RWDD3: variants seen among roughly 807,000 people sequenced by gnomAD.
The protein encoded by RWDD3 is RWD domain-containing protein 3.
Under a neutral mutation model 26.5 loss-of-function variants are expected in RWDD3, and 30 were observed. The observed-to-expected ratio is 1.13, with a 90% CI of 0.85 to 1.54. The LOEUF (loss-of-function observed/expected upper bound fraction) is 1.54. RWDD3 is among the 40% of genes most tolerant of loss of function. The pLI is 0.00. For missense variants in RWDD3, 296 were observed against 309.1 expected (o/e 0.96, Z 0.32); for synonymous variants, 113 against 114.5 (o/e 0.99, Z 0.09).
At chr1:95,246,151 A>G (rs1481580560) in intron 2 of RWDD3, 1 of 156,606 alleles carries the variant, frequency 6.4e-6, no homozygotes, top group Non-Finnish European at 1.4e-5. Flanking sequence ...CCATGGCGCT[A>G]TATCTAGATA....
chr1:95,236,699 A>C (rs1017554769), intron 1 of RWDD3, among the ~76,000 whole-genome samples: 1 of 152,064 alleles, frequency 6.6e-6, no homozygotes, highest in African/African-American at 2.4e-5. Flanking sequence ...TGTTCTCTTT[A>C]TTGATAATTA....
chr1:95,242,744 C>T (rs1038014032), intron 1 of RWDD3, among the ~76,000 whole-genome samples: 1 of 151,994 alleles, frequency 6.6e-6, no homozygotes, highest in Non-Finnish European at 1.5e-5. Flanking sequence ...CATGGAGAAA[C>T]CCTGTCTCTA....
chr1:95,240,648 G>A (rs1680576373), intron 1 of RWDD3, among the ~76,000 whole-genome samples: 1 of 152,104 alleles, frequency 6.6e-6, no homozygotes, highest in Admixed American at 6.5e-5. Context: ...GCTGGCCCTA[G>A]GCGTTGCATG....
chr1:95,237,054 G>C lies in RWDD3; in HGVS notation c.85+2739G>C, dbSNP rs1680391125. ...AGTAATTGAATTATAAAAGAATTCAGTGTAACAACTTAGGACATTTTGTTG... is the reference window on the plus strand; with the variant it reads ...AGTAATTGAATTATAAAAGAATTCACTGTAACAACTTAGGACATTTTGTTG... On this transcript the variant is annotated intron_variant, in intron 1 of 3. Coordinates refer to ENST00000370202, the MANE Select transcript of RWDD3 (RefSeq NM_015485.5). Among the ~76,000 whole-genome samples, 2 of 152,158 alleles carry C rather than the reference G, an allele frequency of 1.3e-5. 1 individual carries two copies. The highest frequency in any genetic ancestry group is 2.9e-5 in the Non-Finnish European group (2 of 68,038).
chr1:95,239,376 T>C (rs1300635991), intron 1 of RWDD3, among the ~76,000 whole-genome samples: 1 of 152,212 alleles, frequency 6.6e-6, no homozygotes, highest in African/African-American at 2.4e-5. Context: ...TGAAAAATTC[T>C]GAGGCAGAAA....
At chr1:95,242,194 T>C (rs1680661140) in intron 1 of RWDD3, among the ~76,000 whole-genome samples, 1 of 152,248 alleles carries the variant, frequency 6.6e-6, no homozygotes, top group African/African-American at 2.4e-5. Context: ...GACATTTATG[T>C]TTATATAAAT....
intron 1 of RWDD3, among the ~76,000 whole-genome samples, chr1:95,237,862 T>G (rs1286817670): frequency 1.3e-5 from 2 of 152,216 alleles, no homozygotes; most frequent in Non-Finnish European, 2.9e-5. Context: ...GCCTTTGCAC[T>G]GCATCATGCT....
chr1:95,237,589 T>C (rs1194868803), intron 1 of RWDD3: 1 of 151,844 alleles, frequency 6.6e-6, no homozygotes, highest in Non-Finnish European at 1.5e-5. Context: ...GTAAGAGGCA[T>C]AACCATCTCT....
chr1:95,240,252 G>C (rs1378836116), intron 1 of RWDD3, among the ~76,000 whole-genome samples: 3 of 152,160 alleles, frequency 2.0e-5, no homozygotes, highest in African/African-American at 7.2e-5. Flanking sequence ...TTCTGCACCT[G>C]TGAGATCCGT....
At chr1:95,234,711 C>G (rs12034397) in intron 1 of RWDD3, among the ~76,000 whole-genome samples, 7,422 of 151,928 alleles carry the variant, frequency 0.049, 320 homozygotes, top group East Asian at 0.22. Flanking sequence ...CCCGAGAGCA[C>G]TCCCCGGTTC....
intron 1 of RWDD3, among the ~76,000 whole-genome samples, chr1:95,243,851 A>G (rs1321420941): frequency 2.0e-5 from 3 of 152,220 alleles, no homozygotes; most frequent in Non-Finnish European, 4.4e-5. Flanking sequence ...GTGGTATTGT[A>G]TCTTTGAAAG....
chr1:95,234,279 T>A lies in RWDD3; in HGVS notation c.49T>A (p.Cys17Ser). 1.3e-6 allele frequency: 2 copies of A among 1,599,702 alleles called. No individual in the cohort carries two copies. The highest frequency in any genetic ancestry group is 1.7e-6 in the Non-Finnish European group (2 of 1,173,608). The change falls in exon 1 of 4, where the codon TGC becomes AGC. Residue 17 changes from cysteine to serine, a missense_variant. Coordinates refer to ENST00000370202, the MANE Select transcript of RWDD3 (RefSeq NM_015485.5). Reference sequence around the variant, plus strand: ...GCTCTCGGTCCTGGCCGCGATTTTCTGCAGGCCCCACGAGTGGGAGGTGCT... The same window carrying A: ...GCTCTCGGTCCTGGCCGCGATTTTCAGCAGGCCCCACGAGTGGGAGGTGCT... The part of the protein sequence containing the change: ...EELSVLAAIF[C>S]RPHEWEVLSR...
chr1:95,242,991 T>C (rs1292984673), intron 1 of RWDD3, among the ~76,000 whole-genome samples: 1 of 152,190 alleles, frequency 6.6e-6, no homozygotes, highest in Non-Finnish European at 1.5e-5. Flanking sequence ...TGGAGGAATG[T>C]ACAAAGTTAG....
chr1:95,244,721 G>A (rs764886565), intron 2 of RWDD3, 23 bp downstream of exon 2: 2 of 1,601,420 alleles, frequency 1.2e-6, no homozygotes, highest in African/African-American at 1.3e-5. Flanking sequence ...TAAATGTTGA[G>A]TATGAATCTG....
chr1:95,239,338 A>T (rs939969851), intron 1 of RWDD3, among the ~76,000 whole-genome samples: 1 of 152,236 alleles, frequency 6.6e-6, no homozygotes, highest in Non-Finnish European at 1.5e-5. Context: ...AGAAAACAAA[A>T]AATCAGACTT....
In RWDD3 at chr1:95,244,683, CAG is replaced by C; in HGVS notation, c.560_561del (p.Arg187LysfsTer30). ...TAATACTGATTTTACTACAGGGAGA[CAG>C]AAACAACCTCAAGGTGCCAAAAAGT... ...KIILILLQGD[R>X]NNLKEYLILQ... On this transcript the variant is annotated frameshift_variant, in exon 2 of 4. Coordinates refer to ENST00000370202, the MANE Select transcript of RWDD3 (RefSeq NM_015485.5). LOFTEE classifies it high-confidence loss of function. 1 of 1,612,796 alleles carries C rather than the reference CAG, an allele frequency of 6.2e-7. No homozygotes were observed. The highest frequency in any genetic ancestry group is 8.5e-7 in the Non-Finnish European group (1 of 1,179,566).
At chr1:95,237,861 C>T (rs1173799320) in intron 1 of RWDD3, among the ~76,000 whole-genome samples, 1 of 152,202 alleles carries the variant, frequency 6.6e-6, no homozygotes, top group Non-Finnish European at 1.5e-5. Context: ...GGCCTTTGCA[C>T]TGCATCATGC....
chr1:95,239,321 CA>C (rs1557719734), intron 1 of RWDD3, among the ~76,000 whole-genome samples: 4 of 151,284 alleles, frequency 2.6e-5, no homozygotes, highest in Admixed American at 2.6e-4. Context: ...TTTATTATGG[CA>C]AAAAAAGAAA....
intron 1 of RWDD3, among the ~76,000 whole-genome samples, chr1:95,235,653 C>T (rs1209654142): frequency 3.3e-5 from 5 of 151,742 alleles, no homozygotes; most frequent in African/African-American, 9.7e-5. Flanking sequence ...CCACAGGTGC[C>T]TGGCCTTCTG....
Sources: allele counts gnomAD v4.1 joint callset (sites outside exome capture counted in the v4.1 genomes callset), GRCh38; gene constraint gnomAD v4.1.1; transcripts MANE v1.5; gene names NCBI Gene and HGNC (gene_info 2026-07-23, HGNC 2026-07-21).